The following CADPS2 variants were observed in gnomAD, a reference collection of about 807,000 sequenced individuals.
The protein encoded by CADPS2 is calcium dependent secretion activator 2, also known as calcium-dependent secretion activator 2.
A neutral mutation model predicts 172.5 loss-of-function variants in CADPS2; 93 were observed. The observed-to-expected ratio is 0.54, with a 90% confidence interval of 0.46 to 0.64. The LOEUF (loss-of-function observed/expected upper bound fraction) is 0.64, where lower values mean the gene tolerates loss of function less well. Ranked by LOEUF, CADPS2 falls within the 30% of genes least tolerant of loss-of-function variation. The pLI is 0.00. For missense variants in CADPS2, 1,420 were observed against 1,565.9 expected, an observed-to-expected ratio of 0.91 and a Z score of 1.57; for synonymous variants, 546 against 555.2, an observed-to-expected ratio of 0.98 and a Z score of 0.23.
intron 17 of CADPS2, among the ~76,000 whole-genome samples, chr7:122,428,436 T>C (rs1182654331): frequency 1.3e-5 from 2 of 149,898 alleles, no homozygotes; most frequent in African/African-American, 2.5e-5. Context: ...TGTATACCTA[T>C]ACATATATAT....
chr7:122,780,127 A>G (rs1264857821), intron 1 of CADPS2, among the ~76,000 whole-genome samples: 2 of 152,314 alleles, frequency 1.3e-5, no homozygotes, highest in African/African-American at 4.8e-5. Context: ...AAGAGAGACT[A>G]TATTTTTTAA....
rs138717646 is a variant in CADPS2, at chr7:122,494,026, G to GT, written c.1543-2607dup. 1.3e-3 allele frequency among the ~76,000 whole-genome samples: 196 copies of GT among 152,246 alleles called. 1 individual carries two copies. The highest frequency in any genetic ancestry group is 4.4e-3 in the African/African-American group (184 of 41,564). ...CGCTAATTTAAATGTGGCTGGGAAA[G>GT]TACTTCGTAGAAATGGTGAACATCT... is the stretch of plus-strand genomic sequence containing the variant. On this transcript the variant is annotated intron_variant, in intron 9 of 29. Coordinates refer to ENST00000449022, the MANE Select transcript of CADPS2 (RefSeq NM_017954.11).
intron 1 of CADPS2, among the ~76,000 whole-genome samples, chr7:122,737,633 A>G (rs1449746478): frequency 6.6e-6 from 1 of 152,202 alleles, no homozygotes; most frequent in African/African-American, 2.4e-5. Flanking sequence ...TGGAATCCAA[A>G]TTTCTACCCC....
intron 16 of CADPS2, chr7:122,439,231 A>G (rs1463377579): frequency 1.3e-5 from 2 of 152,154 alleles, no homozygotes; most frequent in East Asian, 3.8e-4. Context: ...ATTTATAAAC[A>G]CTGTTACATT....
intron 3 of CADPS2, among the ~76,000 whole-genome samples, chr7:122,630,862 A>G (rs2076510414): frequency 6.6e-6 from 1 of 152,128 alleles, no homozygotes; most frequent in South Asian, 2.1e-4. Flanking sequence ...AATAAGTTAA[A>G]AAAACAGGCA....
intron 14 of CADPS2, among the ~76,000 whole-genome samples, chr7:122,458,561 TC>T (rs1306113001): frequency 2.0e-5 from 3 of 152,230 alleles, no homozygotes; most frequent in African/African-American, 7.2e-5. Flanking sequence ...TATGTTCTTA[TC>T]TTTTTGCAAA....
At chr7:122,368,356 T>A (rs1585326408) in intron 25 of CADPS2, among the ~76,000 whole-genome samples, 1 of 151,792 alleles carries the variant, frequency 6.6e-6, no homozygotes. Flanking sequence ...GGACTGGAGG[T>A]GAAGCTATCA....
chr7:122,652,650 C>T (rs1003988215), intron 3 of CADPS2, among the ~76,000 whole-genome samples: 5 of 152,140 alleles, frequency 3.3e-5, no homozygotes, highest in Admixed American at 3.3e-4. Context: ...TGTTATGCCA[C>T]TCATTTTAGA....
chr7:122,450,837 T>C (rs1473971545), intron 15 of CADPS2, among the ~76,000 whole-genome samples: 3 of 152,134 alleles, frequency 2.0e-5, no homozygotes, highest in African/African-American at 7.2e-5. Flanking sequence ...GACTGGCTGA[T>C]AGCTAATTTT....
At chr7:122,518,177 T>C (rs1172038117) in intron 8 of CADPS2, among the ~76,000 whole-genome samples, 2 of 152,038 alleles carry the variant, frequency 1.3e-5, no homozygotes, top group African/African-American at 2.4e-5. Context: ...ACTGTATATA[T>C]ATCTATAGCC....
In CADPS2 at chr7:122,451,371, T is replaced by C. The variant is rs762933864; in HGVS notation, c.2288+3A>G. On this transcript the variant is annotated splice_donor_region_variant and intron_variant, in intron 15 of 29. Transcript: ENST00000449022. ...ATATTTATATTAATAAAAAAATATATACCTGAAATGGCTTATCTGATTTTC... is the reference window on the plus strand; with the variant it reads ...ATATTTATATTAATAAAAAAATATACACCTGAAATGGCTTATCTGATTTTC... 5 of 1,386,726 alleles carry C rather than the reference T, an allele frequency of 3.6e-6. No homozygotes were observed. Among genetic ancestry groups the C allele is most frequent in the Non-Finnish European group, 3.9e-6 (4 of 1,024,920 alleles). 85.9% of individuals were successfully genotyped at this position (1,386,726 alleles called of 1,614,324 possible). A position where few individuals can be genotyped will look rare whatever the true frequency, so the allele number is the denominator to read the frequency against.
At chr7:122,433,248 T>C (rs2050193738) in intron 17 of CADPS2, among the ~76,000 whole-genome samples, 1 of 152,086 alleles carries the variant, frequency 6.6e-6, no homozygotes, top group Admixed American at 6.6e-5. Flanking sequence ...CCCAAAGTTC[T>C]GGGATCACAG....
intron 2 of CADPS2, among the ~76,000 whole-genome samples, chr7:122,708,381 A>G (rs1445070522): frequency 6.6e-6 from 1 of 150,798 alleles, no homozygotes; most frequent in Non-Finnish European, 1.5e-5. Context: ...AGAGTATAGG[A>G]TAGTTAGAAT....
intron 27 of CADPS2, among the ~76,000 whole-genome samples, chr7:122,354,762 T>C (rs1039469789): frequency 6.6e-6 from 1 of 152,174 alleles, no homozygotes; most frequent in African/African-American, 2.4e-5. Flanking sequence ...TTGCTTTTTC[T>C]TTCTCACTCT....
chr7:122,554,436 G>T, intron 8 of CADPS2, 114 bp downstream of exon 8: 1 of 1,051,520 alleles, frequency 9.5e-7, no homozygotes, highest in Non-Finnish European at 1.3e-6. Context: ...GTCACTTTTT[G>T]AGAAAACTCC....
At chr7:122,593,752 C>T (rs1253944506) in intron 6 of CADPS2, among the ~76,000 whole-genome samples, 1 of 150,860 alleles carries the variant, frequency 6.6e-6, no homozygotes, top group Non-Finnish European at 1.5e-5. Context: ...GCAATAGAGA[C>T]GTCAACTAAC....
chr7:122,340,547 G>A (rs1425155178), intron 28 of CADPS2, among the ~76,000 whole-genome samples: 1 of 152,112 alleles, frequency 6.6e-6, no homozygotes, highest in Non-Finnish European at 1.5e-5. Context: ...TGCTGTTGTG[G>A]TCATTACTAC....
chr7:122,870,613 C>T (rs1006801611), intron 1 of CADPS2, among the ~76,000 whole-genome samples: 1 of 151,832 alleles, frequency 6.6e-6, no homozygotes, highest in Non-Finnish European at 1.5e-5. Context: ...AAAATTGGTA[C>T]ACAAATAGAT....
chr7:122,824,270 T>C (rs566481849), intron 1 of CADPS2, among the ~76,000 whole-genome samples: 1 of 152,348 alleles, frequency 6.6e-6, no homozygotes, highest in Non-Finnish European at 1.5e-5. Context: ...AGGATAAGGA[T>C]CTTGTGCAAG....
Sources: gnomAD v4.1 joint callset for allele counts (sites outside exome capture counted in the v4.1 genomes callset) on GRCh38, gnomAD v4.1.1 for gene constraint, MANE v1.5 for transcripts, NCBI Gene and HGNC (gene_info 2026-07-23, HGNC 2026-07-21) for gene names.